GLIS3: variants seen among roughly 807,000 people sequenced by gnomAD.
The protein encoded by GLIS3 is GLIS family zinc finger 3.
In GLIS3, 53 loss-of-function variants were observed where a neutral mutation model predicts 78.6. The ratio of observed to expected loss-of-function variants is 0.67; its 90% CI spans 0.54 to 0.85. The LOEUF is 0.85. Among genes scored for constraint, GLIS3 ranks in the 40% least tolerant of loss-of-function variants. GLIS3 has a pLI of 0.00. For synonymous variants in GLIS3, 684 were observed against 509.9 expected, an observed-to-expected ratio of 1.34 and a Z score of -4.60; for missense variants, 1,703 against 1,231.1, an observed-to-expected ratio of 1.38 and a Z score of -5.74.
intron 2 of GLIS3, among the ~76,000 whole-genome samples, chr9:4,194,814 G>C (rs1304793187): frequency 6.6e-6 from 1 of 152,194 alleles, no homozygotes; most frequent in Non-Finnish European, 1.5e-5. Context: ...CCAAGCCCTG[G>C]AGCTAACTTA....
intron 2 of GLIS3, among the ~76,000 whole-genome samples, chr9:4,312,230 G>T (rs775566767): frequency 1.3e-5 from 2 of 152,216 alleles, no homozygotes; most frequent in Non-Finnish European, 2.9e-5. Flanking sequence ...CATTTTGGGA[G>T]GCCAAGGCTG....
At chr9:4,388,980 C>T in the GLIS3 span, among the ~76,000 whole-genome samples, 1 of 152,046 alleles carries the variant, frequency 6.6e-6, no homozygotes, top group Non-Finnish European at 1.5e-5. Context: ...GGTAGGGGTA[C>T]CAACAATTGC....
intron 4 of GLIS3, among the ~76,000 whole-genome samples, chr9:3,989,921 G>T (rs1160563268): frequency 6.6e-6 from 1 of 152,116 alleles, no homozygotes; most frequent in East Asian, 1.9e-4. Context: ...GTCATGATTT[G>T]TATCAAGTTC....
At chr9:4,104,545 A>T (rs1586679410) in intron 4 of GLIS3, among the ~76,000 whole-genome samples, 1 of 152,148 alleles carries the variant, frequency 6.6e-6, no homozygotes, top group East Asian at 1.9e-4. Flanking sequence ...TAGGGATTCT[A>T]TTAAAACATA....
chr9:4,348,565 G>A (rs1817924397), upstream of GLIS3, among the ~76,000 whole-genome samples: 1 of 152,250 alleles, frequency 6.6e-6, no homozygotes, highest in Non-Finnish European at 1.5e-5. Context: ...GCTGGGAGAT[G>A]TGACCTTTAA....
At chr9:3,868,541 C>G (rs952201057) in intron 8 of GLIS3, among the ~76,000 whole-genome samples, 22 of 152,188 alleles carry the variant, frequency 1.4e-4, no homozygotes, top group African/African-American at 5.1e-4. Flanking sequence ...AAAACAGTGT[C>G]TTTGGCTATT....
chr9:4,296,613 A>G (rs1165516634), intron 1 of GLIS3, among the ~76,000 whole-genome samples: 1 of 152,158 alleles, frequency 6.6e-6, no homozygotes, highest in Non-Finnish European at 1.5e-5. Flanking sequence ...GGGATCAACG[A>G]TGCTGTCCCC....
intron 1 of GLIS3, among the ~76,000 whole-genome samples, chr9:4,297,112 T>G (rs1816598840): frequency 6.7e-6 from 1 of 150,196 alleles, no homozygotes; most frequent in Non-Finnish European, 1.5e-5. Context: ...ACAAGTCGAT[T>G]TTGTACCCAA....
chr9:3,879,903 G>C (rs111603459), intron 7 of GLIS3, among the ~76,000 whole-genome samples: 1 of 152,108 alleles, frequency 6.6e-6, no homozygotes, highest in Non-Finnish European at 1.5e-5. Flanking sequence ...GTTTGCATCT[G>C]TGCCAAGGTC....
chr9:4,414,279 G>A, the GLIS3 span, among the ~76,000 whole-genome samples: 1 of 152,172 alleles, frequency 6.6e-6, no homozygotes, highest in Non-Finnish European at 1.5e-5. Context: ...CAAGATTTCT[G>A]ATAAATGGAA....
intron 2 of GLIS3, among the ~76,000 whole-genome samples, chr9:4,198,168 A>G (rs1819038642): frequency 6.6e-6 from 1 of 152,212 alleles, no homozygotes; most frequent in Non-Finnish European, 1.5e-5. Context: ...ATGGAAATTC[A>G]GTTATGGCAG....
At chr9:4,211,164 C>A (rs369319906) in intron 2 of GLIS3, among the ~76,000 whole-genome samples, 3 of 152,222 alleles carry the variant, frequency 2.0e-5, no homozygotes, top group Admixed American at 6.5e-5. Context: ...CCAGTAATAA[C>A]CTGTTTGCTG....
At chr9:4,463,229 A>C in the GLIS3 span, among the ~76,000 whole-genome samples, 1 of 152,218 alleles carries the variant, frequency 6.6e-6, no homozygotes, top group African/African-American at 2.4e-5. Flanking sequence ...TAGCCTATAA[A>C]AGTTGACTTT....
At chr9:3,973,151 G>A (rs1449173194) in intron 4 of GLIS3, among the ~76,000 whole-genome samples, 1 of 152,188 alleles carries the variant, frequency 6.6e-6, no homozygotes, top group East Asian at 1.9e-4. Context: ...GGGCAAGTCT[G>A]CTAGGGTTCC....
At chr9:4,158,784 A>G (rs917525326) in intron 2 of GLIS3, among the ~76,000 whole-genome samples, 1 of 152,214 alleles carries the variant, frequency 6.6e-6, no homozygotes, top group Non-Finnish European at 1.5e-5. Context: ...GAGTGAATGA[A>G]TAAGTGAACA....
chr9:4,269,805 C>T (rs1283721170), intron 2 of GLIS3, among the ~76,000 whole-genome samples: 2 of 152,040 alleles, frequency 1.3e-5, no homozygotes, highest in African/African-American at 4.8e-5. Context: ...TGTTGTGAAG[C>T]ACAGGTTTAG....
intron 2 of GLIS3, among the ~76,000 whole-genome samples, chr9:4,256,684 A>G (rs1475071972): frequency 6.6e-6 from 1 of 152,264 alleles, no homozygotes; most frequent in Non-Finnish European, 1.5e-5. Context: ...ACTTTATTGT[A>G]GACAAAAGTA....
chr9:4,363,555 C>CTTAT, the GLIS3 span, among the ~76,000 whole-genome samples: 1 of 152,170 alleles, frequency 6.6e-6, no homozygotes, highest in Non-Finnish European at 1.5e-5. Flanking sequence ...AAATTAAACA[C>CTTAT]AAATTTCAGT....
chr9:4,204,548 C>T (rs771240565), intron 2 of GLIS3, among the ~76,000 whole-genome samples: 14 of 151,978 alleles, frequency 9.2e-5, no homozygotes, highest in Non-Finnish European at 1.8e-4. Flanking sequence ...TATGACAGTC[C>T]AAGAAAAATG....
Sources: allele counts gnomAD v4.1 joint callset (sites outside exome capture counted in the v4.1 genomes callset), GRCh38; gene constraint gnomAD v4.1.1; transcripts MANE v1.5; gene names NCBI Gene and HGNC (gene_info 2026-07-23, HGNC 2026-07-21).